LRPAP1: variants seen among roughly 807,000 people sequenced by gnomAD.
LRPAP1 encodes the protein alpha-2-macroglobulin receptor-associated protein.
A neutral mutation model predicts 39.9 loss-of-function variants in LRPAP1; 41 were observed. The ratio of observed to expected loss-of-function variants is 1.03; its 90% CI spans 0.80 to 1.33. LRPAP1 has a LOEUF of 1.33. Ranked by LOEUF, LRPAP1 falls within the 40% of genes most tolerant of loss-of-function variation. LRPAP1 has a pLI of 0.00. For missense variants in LRPAP1, 565 were observed against 482.3 expected, an observed-to-expected ratio of 1.17 and a Z score of -1.61; for synonymous variants, 263 against 212.7, an observed-to-expected ratio of 1.24 and a Z score of -2.06.
rs1488864997 is a variant in LRPAP1, at chr4:3,512,426, C to G, written c.*548G>C. 6.5e-6 allele frequency: 1 copy of G among 154,946 alleles called. No individual in the cohort carries two copies. Among genetic ancestry groups the G allele is most frequent in the Non-Finnish European group, 1.4e-5 (1 of 69,778 alleles). The allele number at this position is 154,946 out of a possible 1,614,324, so 9.6% of individuals were successfully genotyped here. A position where few individuals can be genotyped will look rare whatever the true frequency, so the allele number is the denominator to read the frequency against. ...CAAGCGCTCTTGGCTTTAAATCAGG[C>G]CGGGCCGTCTCACGGGAAAAGGAGG... On this transcript the variant is annotated 3_prime_UTR_variant, in exon 8 of 8. Coordinates refer to ENST00000650182, the MANE Select transcript of LRPAP1 (RefSeq NM_002337.4).
At position 3,518,094 on chromosome 4, in the gene LRPAP1, T is replaced by C. The variant is rs778899499; in HGVS notation, c.691A>G (p.Ile231Val). 1.4e-5 allele frequency: 22 copies of C among 1,613,288 alleles called. No individual in the cohort carries two copies. The Admixed American group carries it at 3.5e-4, about 26-fold the overall frequency. ...CGCAGGCGGTCCAGGCCCTGGTTGATGCTGCGCAGCTTCTCCTTCAGCTCC... is the reference window on the plus strand; with the variant it reads ...CGCAGGCGGTCCAGGCCCTGGTTGACGCTGCGCAGCTTCTCCTTCAGCTCC... ...HTELKEKLRS[I>V]NQGLDRLRRV... The change falls in exon 5 of 8, where the codon ATC becomes GTC. Residue 231 changes from isoleucine to valine, a missense_variant. Ile to Val is a conservative substitution (Grantham distance 29, BLOSUM62 3). Coordinates refer to ENST00000650182, the MANE Select transcript of LRPAP1 (RefSeq NM_002337.4).
Position 3,505,348 on chromosome 4 carries a change from T to C in LRPAP1, c.*7626A>G, listed in dbSNP as rs372650261. ...CCCCCAGCTCCAAATCCAGCATCCC[T>C]CCCCGGTGCCTAGCCCTCGCCAGGC... On this transcript the variant is annotated 3_prime_UTR_variant, in exon 8 of 8. Coordinates refer to ENST00000650182, the MANE Select transcript of LRPAP1 (RefSeq NM_002337.4). 7.4e-4 allele frequency among the ~76,000 whole-genome samples: 112 copies of C among 152,238 alleles called. No individual in the cohort carries two copies. The highest frequency in any genetic ancestry group is 2.6e-3 in the African/African-American group (107 of 41,560).
chr4:3,523,307 C>G (rs1248566822), intron 2 of LRPAP1, among the ~76,000 whole-genome samples: 1 of 152,164 alleles, frequency 6.6e-6, no homozygotes, highest in Non-Finnish European at 1.5e-5. Context: ...TGGGAATGGC[C>G]CACTAGACAC....
intron 1 of LRPAP1, among the ~76,000 whole-genome samples, chr4:3,527,668 C>A (rs563295356): frequency 6.6e-6 from 1 of 152,212 alleles, no homozygotes; most frequent in Non-Finnish European, 1.5e-5. Context: ...CTTGAGGGGC[C>A]CCGGGTCTGC....
In LRPAP1 at chr4:3,506,767, C is replaced by T. The variant is rs1321920263; in HGVS notation, c.*6207G>A. The T allele has an allele frequency of 2.6e-5, 4 of 152,022 alleles. No homozygotes were observed. The highest frequency in any genetic ancestry group is 4.4e-5 in the Non-Finnish European group (3 of 68,006). The allele number at this position is 152,022 out of a possible 1,614,324, so 9.4% of individuals were successfully genotyped here. On this transcript the variant is annotated 3_prime_UTR_variant, in exon 8 of 8. Transcript: ENST00000650182. ...TGAGAAAATAGAAAGACCACTAGAA[C>T]GGAAAAATAAAAAATAAAAATTAGA...
rs535525880 is a variant in LRPAP1, at chr4:3,507,317, G to C, written c.*5657C>G. ...GACGCCACCCAAATGGCCAAGAGCA[G>C]ACAAAAAGGTGTCATGCCTCTGGCA... On this transcript the variant is annotated 3_prime_UTR_variant, in exon 8 of 8. Coordinates refer to ENST00000650182, the MANE Select transcript of LRPAP1 (RefSeq NM_002337.4). The C allele has an allele frequency of 6.6e-6, 1 of 152,292 alleles. No individual in the cohort carries two copies. Among genetic ancestry groups the C allele is most frequent in the East Asian group, 1.9e-4 (1 of 5,184 alleles). 9.4% of individuals were successfully genotyped at this position (152,292 alleles called of 1,614,324 possible). A position where few individuals can be genotyped will look rare whatever the true frequency, so the allele number is the denominator to read the frequency against.
intron 6 of LRPAP1, among the ~76,000 whole-genome samples, chr4:3,515,504 T>C (rs1729664246): frequency 6.6e-6 from 1 of 152,122 alleles, no homozygotes; most frequent in Non-Finnish European, 1.5e-5. Context: ...CCAAGTCCTA[T>C]GAGGGCAGGA....
In LRPAP1 at chr4:3,525,318, C is replaced by A. The variant is rs368181371; in HGVS notation, c.205-267G>T. Among the ~76,000 whole-genome samples, 8 of 152,322 alleles carry A rather than the reference C, an allele frequency of 5.3e-5. No homozygotes were observed. In the South Asian group the frequency reaches 1.2e-3, roughly 24 times the overall value. ...ACCAGCAGCGGCTGCTCATTCCTGT[C>A]CGGCTGTAACAGGACACCCCACCCT... On this transcript the variant is annotated intron_variant, in intron 1 of 7. Coordinates refer to ENST00000650182, the MANE Select transcript of LRPAP1 (RefSeq NM_002337.4).
intron 1 of LRPAP1, among the ~76,000 whole-genome samples, chr4:3,530,901 G>A (rs1730230787): frequency 6.6e-6 from 1 of 152,160 alleles, no homozygotes; most frequent in African/African-American, 2.4e-5. Context: ...CAATCGGTCA[G>A]GGAGTCTATT....
In LRPAP1 at chr4:3,524,999, T is replaced by C; in HGVS notation, c.257A>G (p.Gln86Arg). Residue 86 changes from glutamine to arginine, a missense_variant, in exon 2 of 8, where the codon CAG becomes CGG. Physicochemically the swap from Gln to Arg is conservative, Grantham distance 43 (BLOSUM62 1). Transcript: ENST00000650182. ...LAELHADLKI[Q>R]ERDELAWKKL... ...CTTCCAGGCGAGTTCGTCCCTCTCC[T>C]GTATCTTCAGATCAGCGTGGAGCTC... 6.2e-7 allele frequency: 1 copy of C among 1,614,150 alleles called. No homozygotes were observed. The highest frequency in any genetic ancestry group is 8.5e-7 in the Non-Finnish European group (1 of 1,180,038).
Position 3,524,978 on chromosome 4 carries a change from C to G in LRPAP1, c.278G>C (p.Trp93Ser). 1 of 1,614,146 alleles carries G rather than the reference C, an allele frequency of 6.2e-7. No individual in the cohort carries two copies. The highest frequency in any genetic ancestry group is 1.1e-5 in the South Asian group (1 of 91,078). ...LKIQERDELA[W>S]KKLKLDGLDE... ...CAAGCCGTCAAGCTTTAGTTTCTTC[C>G]AGGCGAGTTCGTCCCTCTCCTGTAT... The change falls in exon 2 of 8, where the codon TGG becomes TCG. Residue 93 changes from tryptophan (W) to serine (S), a missense_variant. Coordinates refer to ENST00000650182, the MANE Select transcript of LRPAP1 (RefSeq NM_002337.4).
chr4:3,530,653 C>T (rs1016393970), intron 1 of LRPAP1, among the ~76,000 whole-genome samples: 5 of 152,196 alleles, frequency 3.3e-5, no homozygotes, highest in African/African-American at 7.2e-5. Context: ...CACCCAGCAC[C>T]GGGGGACAGT....
At chr4:3,518,845 C>A (rs1729815045) in intron 4 of LRPAP1, 26 bp downstream of exon 4, 3 of 1,143,156 alleles carry the variant, frequency 2.6e-6, no homozygotes, top group Non-Finnish European at 2.2e-6. Flanking sequence ...GGGCAGAGGG[C>A]AGGAGGGGGT....
chr4:3,517,972 C>T, intron 5 of LRPAP1, 62 bp downstream of exon 5: 1 of 1,532,486 alleles, frequency 6.5e-7, no homozygotes, highest in Non-Finnish European at 8.7e-7. Context: ...CCTGCTTGTC[C>T]CCAAAACACA....
Position 3,522,216 on chromosome 4 carries a change from G to C in LRPAP1, c.350-2023C>G, listed in dbSNP as rs184570529. On this transcript the variant is annotated intron_variant, in intron 2 of 7. Coordinates refer to ENST00000650182, the MANE Select transcript of LRPAP1 (RefSeq NM_002337.4). ...ACCCCTGAGCCCGAGAGGAGGAGAG[G>C]GGGAGACGGGGAGGGTGGGCCATGT... Among the ~76,000 whole-genome samples, 415 of 152,316 alleles carry C rather than the reference G, an allele frequency of 2.7e-3. 1 individual carries two copies. The highest frequency in any genetic ancestry group is 9.3e-3 in the African/African-American group (386 of 41,574).
In LRPAP1 at chr4:3,514,743, CGTGCGCACCGTGTAGCCCAGCTCCTTG is replaced by C; in HGVS notation, c.993_1011+8del. The C allele has an allele frequency of 1.3e-6, 2 of 1,593,926 alleles. No homozygotes were observed. The highest frequency in any genetic ancestry group is 1.7e-6 in the Non-Finnish European group (2 of 1,169,886). On this transcript the variant is annotated splice_donor_variant and splice_donor_5th_base_variant and coding_sequence_variant and intron_variant, in exon 7 of 8. Coordinates refer to ENST00000650182, the MANE Select transcript of LRPAP1 (RefSeq NM_002337.4). LOFTEE classifies it high-confidence loss of function. ...CTGTGGCCTCCCCGGTCCTGGAACC[CGTGCGCACCGTGTAGCCCAGCTCCTTG>C]GTCCGCCCCTCCAGCAGGGCGTGCT...
chr4:3,532,181 C>T (rs1320444066), intron 1 of LRPAP1, 28 bp downstream of exon 1: 1 of 1,189,500 alleles, frequency 8.4e-7, no homozygotes, highest in South Asian at 1.8e-5. Context: ...CCCCAGGCCC[C>T]GCTCCACCGA....
chr4:3,518,820 G>T, intron 4 of LRPAP1, 51 bp downstream of exon 4: 5 of 1,245,860 alleles, frequency 4.0e-6, no homozygotes, highest in Non-Finnish European at 5.5e-6. Flanking sequence ...GAGGGGTGGG[G>T]GGCAGGAGGG....
intron 7 of LRPAP1, among the ~76,000 whole-genome samples, chr4:3,513,460 G>A (rs969087292): frequency 2.6e-5 from 4 of 152,052 alleles, no homozygotes; most frequent in Admixed American, 6.6e-5. Context: ...GGTGCCCACC[G>A]CCACGCCCGG....
Sources: gnomAD v4.1 joint callset for allele counts (sites outside exome capture counted in the v4.1 genomes callset) on GRCh38, gnomAD v4.1.1 for gene constraint, MANE v1.5 for transcripts, NCBI Gene and HGNC (gene_info 2026-07-23, HGNC 2026-07-21) for gene names.